CSTA: variants seen among roughly 807,000 people sequenced by gnomAD.
The protein encoded by CSTA is cystatin-A.
Under a neutral mutation model 9.2 loss-of-function variants are expected in CSTA, and 9 were observed. The observed-to-expected ratio is 0.97, with a 90% CI of 0.59 to 1.70. The LOEUF (loss-of-function observed/expected upper bound fraction) is 1.70. Ranked by LOEUF, CSTA falls within the 40% of genes most tolerant of loss-of-function variation. CSTA has a pLI of 0.00. For missense variants in CSTA, 118 were observed against 113.1 expected, an observed-to-expected ratio of 1.04 and a Z score of -0.20; for synonymous variants, 36 against 40.6, an observed-to-expected ratio of 0.89 and a Z score of 0.43.
chr3:122,338,701 A>G (rs1305052930), intron 2 of CSTA, among the ~76,000 whole-genome samples: 1 of 152,120 alleles, frequency 6.6e-6, no homozygotes, highest in Non-Finnish European at 1.5e-5. Context: ...TCCATTCTCA[A>G]TCTGCTTTCT....
At chr3:122,330,966 C>A (rs1297532379) in intron 1 of CSTA, among the ~76,000 whole-genome samples, 1 of 152,112 alleles carries the variant, frequency 6.6e-6, no homozygotes, top group Non-Finnish European at 1.5e-5. Flanking sequence ...ATCATTATTG[C>A]TGATCCATTA....
At chr3:122,337,833 G>T in intron 2 of CSTA, 185 bp downstream of exon 2, 4 of 617,298 alleles carry the variant, frequency 6.5e-6, no homozygotes, top group South Asian at 5.7e-5. Flanking sequence ...TTTTTTTCTT[G>T]TGAATTCAGA....
Position 122,341,779 on chromosome 3 carries a change from A to G in CSTA, c.*212A>G, listed in dbSNP as rs2075267317. 1.7e-6 allele frequency: 1 copy of G among 585,200 alleles called. No individual in the cohort carries two copies. 36.3% of individuals were successfully genotyped at this position (585,200 alleles called of 1,614,324 possible). ...ATAAACTCCATATAAATTGATGGCA[A>G]TTGGAAATCTTATAAAAACTAGTCA... On this transcript the variant is annotated 3_prime_UTR_variant, in exon 3 of 3. Transcript: ENST00000264474.
intron 1 of CSTA, among the ~76,000 whole-genome samples, chr3:122,332,483 C>T (rs1255706649): frequency 6.6e-6 from 1 of 152,204 alleles, no homozygotes; most frequent in Non-Finnish European, 1.5e-5. Flanking sequence ...ATCTTTCTAT[C>T]TATTTTCTAT....
chr3:122,334,496 A>G (rs535661019), intron 1 of CSTA, among the ~76,000 whole-genome samples: 20 of 152,100 alleles, frequency 1.3e-4, no homozygotes, highest in African/African-American at 4.8e-4. Flanking sequence ...AAAACAAAAA[A>G]CAAAAAAAAC....
intron 1 of CSTA, among the ~76,000 whole-genome samples, chr3:122,330,954 G>A (rs187154953): frequency 6.6e-6 from 1 of 152,064 alleles, no homozygotes; most frequent in East Asian, 1.9e-4. Flanking sequence ...AAAAGCCTCC[G>A]GATCATTATT....
chr3:122,325,419 G>C (rs765502781), intron 1 of CSTA, 61 bp downstream of exon 1: 20 of 1,508,320 alleles, frequency 1.3e-5, no homozygotes, highest in Non-Finnish European at 1.8e-5. Flanking sequence ...AGTTGTCCCT[G>C]TGGAAAGGCT....
At chr3:122,325,631 C>T (rs1273573915) in intron 1 of CSTA, among the ~76,000 whole-genome samples, 1 of 152,182 alleles carries the variant, frequency 6.6e-6, no homozygotes, top group Non-Finnish European at 1.5e-5. Context: ...TTCTCTAAAG[C>T]TCTTACAAGA....
intron 1 of CSTA, among the ~76,000 whole-genome samples, chr3:122,332,756 C>T (rs776712040): frequency 3.3e-5 from 5 of 152,204 alleles, no homozygotes; most frequent in Middle Eastern, 3.2e-3. Flanking sequence ...GTCACCATCA[C>T]GCGTGGCAGA....
At chr3:122,338,152 T>A (rs2075246188) in intron 2 of CSTA, 1 of 154,602 alleles carries the variant, frequency 6.5e-6, no homozygotes, top group Admixed American at 6.4e-5. Context: ...GTAACTCAAA[T>A]TAGATTTAAC....
Position 122,341,753 on chromosome 3 carries a change from TA to T in CSTA, c.*187del, listed in dbSNP as rs2075267205. 1.4e-6 allele frequency: 1 copy of T among 692,160 alleles called. No individual in the cohort carries two copies. The highest frequency in any genetic ancestry group is 3.0e-5 in the Admixed American group (1 of 33,748). The allele number at this position is 692,160 out of a possible 1,614,324, so 42.9% of individuals were successfully genotyped here. Reference sequence around the variant, plus strand: ...CAAAATCAGTGTTATTGCTTTAGAGTATAAACTCCATATAAATTGATGGCAA... The same window carrying T: ...CAAAATCAGTGTTATTGCTTTAGAGTTAAACTCCATATAAATTGATGGCAA... On this transcript the variant is annotated 3_prime_UTR_variant, in exon 3 of 3. Coordinates refer to ENST00000264474, the MANE Select transcript of CSTA (RefSeq NM_005213.4).
chr3:122,330,216 T>C (rs1278888600), intron 1 of CSTA, among the ~76,000 whole-genome samples: 1 of 152,202 alleles, frequency 6.6e-6, no homozygotes, highest in African/African-American at 2.4e-5. Flanking sequence ...CTTGCTAGTT[T>C]TATTATTTTT....
chr3:122,328,283 A>G (rs80273009), intron 1 of CSTA, among the ~76,000 whole-genome samples: 2 of 151,924 alleles, frequency 1.3e-5, no homozygotes, highest in Non-Finnish European at 2.9e-5. Flanking sequence ...GGCAGATCAC[A>G]TGAGGTCAGG....
intron 1 of CSTA, among the ~76,000 whole-genome samples, chr3:122,335,919 A>T (rs2075234362): frequency 6.6e-6 from 1 of 151,458 alleles, no homozygotes; most frequent in African/African-American, 2.4e-5. Flanking sequence ...GGCATGAGCC[A>T]CCACACCCGG....
intron 2 of CSTA, among the ~76,000 whole-genome samples, chr3:122,339,805 C>T (rs908406728): frequency 6.6e-6 from 1 of 152,158 alleles, no homozygotes; most frequent in Non-Finnish European, 1.5e-5. Flanking sequence ...CAGTGAGCTG[C>T]GATCGCACCA....
rs192062598 is a variant in CSTA, at chr3:122,339,349, G to A, written c.168+1701G>A. Among the ~76,000 whole-genome samples, 25 of 152,312 alleles carry A rather than the reference G, an allele frequency of 1.6e-4. No individual in the cohort carries two copies. In the South Asian group the frequency reaches 1.9e-3, roughly 11 times the overall value. The stretch of plus-strand genomic sequence containing the variant: ...CACTATGCACTATTCTAAGAACAGG[G>A]CTTATCTCATTTAATCCTCACAACA... On this transcript the variant is annotated intron_variant, in intron 2 of 2. Transcript: ENST00000264474.
intron 2 of CSTA, chr3:122,337,898 TA>T: frequency 2.2e-6 from 1 of 464,934 alleles, no homozygotes. Flanking sequence ...AAAGATTTCA[TA>T]ACAGTTCAGG....
intron 1 of CSTA, among the ~76,000 whole-genome samples, chr3:122,332,292 C>T (rs1301873341): frequency 6.6e-6 from 1 of 152,196 alleles, no homozygotes; most frequent in African/African-American, 2.4e-5. Context: ...CAGGTGACTT[C>T]ATTTCTTGCA....
chr3:122,331,936 T>C (rs1443409814), intron 1 of CSTA, among the ~76,000 whole-genome samples: 2 of 152,136 alleles, frequency 1.3e-5, no homozygotes, highest in Non-Finnish European at 2.9e-5. Flanking sequence ...CCACCTCAGA[T>C]CATCAGGCAT....
Sources: allele counts gnomAD v4.1 joint callset (sites outside exome capture counted in the v4.1 genomes callset), GRCh38; gene constraint gnomAD v4.1.1; transcripts MANE v1.5; gene names NCBI Gene and HGNC (gene_info 2026-07-23, HGNC 2026-07-21).